DAB1: variants seen among roughly 807,000 people sequenced by gnomAD.
DAB1 encodes DAB adaptor protein 1.
In DAB1, 15 loss-of-function variants were observed where a neutral mutation model predicts 64.6. The observed-to-expected ratio is 0.23, with a 90% CI of 0.16 to 0.36. The LOEUF is 0.36. Ranked by LOEUF, DAB1 falls within the 10% of genes least tolerant of loss-of-function variation. DAB1 has a pLI of 1.00. For missense variants in DAB1, 596 were observed against 706.7 expected (o/e 0.84, Z 1.78); for synonymous variants, 235 against 251.9 (o/e 0.93, Z 0.64).
intron 3 of DAB1, among the ~76,000 whole-genome samples, chr1:58,353,464 A>T (rs184094184): frequency 6.6e-5 from 10 of 152,326 alleles, no homozygotes; most frequent in Admixed American, 6.5e-4. Flanking sequence ...AGATTGTATT[A>T]GTCTACAATA....
exon 3 of DAB1, chr1:58,506,197 T>TG (rs1557445115): frequency 1.1e-6 from 1 of 870,246 alleles, no homozygotes; most frequent in Admixed American, 1.7e-5. Context: ...CTGGCTCTTA[T>TG]GTCTGCACAA....
intron 7 of DAB1, among the ~76,000 whole-genome samples, chr1:57,546,330 T>C (rs1157571722): frequency 6.6e-6 from 1 of 152,164 alleles, no homozygotes; most frequent in Non-Finnish European, 1.5e-5. Context: ...GGAGAACATG[T>C]CTTAACATAG....
At chr1:57,994,356 G>C (rs1164940482) in intron 5 of DAB1, among the ~76,000 whole-genome samples, 1 of 152,166 alleles carries the variant, frequency 6.6e-6, no homozygotes, top group African/African-American at 2.4e-5. Context: ...GACAACAAAG[G>C]AAGAGCATGG....
At chr1:57,079,377 A>T (rs1652277478) in intron 4 of DAB1, among the ~76,000 whole-genome samples, 1 of 151,324 alleles carries the variant, frequency 6.6e-6, no homozygotes, top group African/African-American at 2.4e-5. Context: ...TTGCTTGTCC[A>T]CTCCTCTCCA....
At chr1:57,386,244 T>C (rs1681818690) in intron 1 of DAB1, among the ~76,000 whole-genome samples, 1 of 151,278 alleles carries the variant, frequency 6.6e-6, no homozygotes, top group Admixed American at 6.6e-5. Flanking sequence ...GATACAAAGA[T>C]AAATAAGGCA....
At chr1:57,890,962 T>A (rs1054421682) in intron 5 of DAB1, among the ~76,000 whole-genome samples, 4 of 152,182 alleles carry the variant, frequency 2.6e-5, no homozygotes, top group Admixed American at 2.6e-4. Context: ...TGCCAAAGAC[T>A]TCATGACTAA....
chr1:57,150,099 C>G (rs1557814830), intron 2 of DAB1, among the ~76,000 whole-genome samples: 1 of 152,152 alleles, frequency 6.6e-6, no homozygotes, highest in East Asian at 1.9e-4. Flanking sequence ...CCCCAGCTCT[C>G]TGACCTACCT....
intron 6 of DAB1, among the ~76,000 whole-genome samples, chr1:57,730,888 G>T: frequency 6.6e-6 from 1 of 152,194 alleles, no homozygotes; most frequent in East Asian, 1.9e-4. Flanking sequence ...GAATGTAAAA[G>T]GGTGCATCCT....
intron 7 of DAB1, among the ~76,000 whole-genome samples, chr1:57,567,518 T>C (rs1444593804): frequency 2.0e-5 from 3 of 152,146 alleles, no homozygotes; most frequent in African/African-American, 4.8e-5. Context: ...CATTGTATAT[T>C]TAGAAAACCC....
At chr1:57,675,781 G>C (rs1646559365) in intron 6 of DAB1, among the ~76,000 whole-genome samples, 1 of 152,108 alleles carries the variant, frequency 6.6e-6, no homozygotes, top group Middle Eastern at 3.4e-3. Context: ...TTTTAAACAG[G>C]CATTTGTGCT....
At chr1:58,377,305 C>A (rs1644337555) in intron 3 of DAB1, among the ~76,000 whole-genome samples, 1 of 142,390 alleles carries the variant, frequency 7.0e-6, no homozygotes. Context: ...CATGATTTTG[C>A]AGCGGCTGGT....
intron 3 of DAB1, among the ~76,000 whole-genome samples, chr1:58,490,157 A>T (rs1645653698): frequency 6.6e-6 from 1 of 152,228 alleles, no homozygotes; most frequent in Non-Finnish European, 1.5e-5. Flanking sequence ...CTAAAGGAGG[A>T]AGTTCGAACC....
At chr1:57,555,394 T>G (rs1242488370) in intron 7 of DAB1, among the ~76,000 whole-genome samples, 1 of 144,718 alleles carries the variant, frequency 6.9e-6, no homozygotes, top group Non-Finnish European at 1.5e-5. Context: ...TCTCTGGGTT[T>G]TTTTTTTTTT....
chr1:57,080,360 G>T (rs144449096), intron 4 of DAB1, among the ~76,000 whole-genome samples: 2 of 152,126 alleles, frequency 1.3e-5, no homozygotes, highest in African/African-American at 4.8e-5. Flanking sequence ...CTCCCTATCC[G>T]TTTTCCTCTC....
At chr1:57,336,437 A>G (rs1293801473) in intron 1 of DAB1, among the ~76,000 whole-genome samples, 3 of 152,210 alleles carry the variant, frequency 2.0e-5, no homozygotes, top group African/African-American at 7.2e-5. Flanking sequence ...AAATAGGTAT[A>G]ATGCAGCCCA....
At chr1:57,431,163 A>T (rs1372622183) in intron 7 of DAB1, among the ~76,000 whole-genome samples, 1 of 148,732 alleles carries the variant, frequency 6.7e-6, no homozygotes, top group South Asian at 2.1e-4. Flanking sequence ...AAAAAGAAAA[A>T]CAAAAAAAAA....
At chr1:58,004,290 C>T (rs901282314) in intron 5 of DAB1, among the ~76,000 whole-genome samples, 2 of 152,134 alleles carry the variant, frequency 1.3e-5, no homozygotes, top group South Asian at 4.1e-4. Flanking sequence ...AGGCTAAGTG[C>T]CCTGGCTGAG....
intron 3 of DAB1, among the ~76,000 whole-genome samples, chr1:58,488,857 T>C (rs1291874218): frequency 6.6e-6 from 1 of 152,258 alleles, no homozygotes; most frequent in African/African-American, 2.4e-5. Flanking sequence ...TAGCTCCCAC[T>C]TATCAGTGAG....
chr1:57,811,498 G>A (rs1007421308), intron 6 of DAB1, among the ~76,000 whole-genome samples: 4 of 152,170 alleles, frequency 2.6e-5, no homozygotes, highest in African/African-American at 9.6e-5. Flanking sequence ...AAGTTGAGCA[G>A]ATGCTAGCAT....
Sources: allele counts gnomAD v4.1 joint callset (sites outside exome capture counted in the v4.1 genomes callset), GRCh38; gene constraint gnomAD v4.1.1; transcripts MANE v1.5; gene names NCBI Gene and HGNC (gene_info 2026-07-23, HGNC 2026-07-21).